The following ADAMTS16 variants were observed in gnomAD, a reference collection of about 807,000 sequenced individuals.
ADAMTS16 encodes ADAM metallopeptidase with thrombospondin type 1 motif 16.
Under a neutral mutation model 145.8 loss-of-function variants are expected in ADAMTS16, and 94 were observed. The ratio of observed to expected loss-of-function variants is 0.64; its 90% CI spans 0.55 to 0.77. The LOEUF (loss-of-function observed/expected upper bound fraction) is 0.77. Among genes scored for constraint, ADAMTS16 ranks in the 30% least tolerant of loss-of-function variants. The pLI, the probability that ADAMTS16 is intolerant of heterozygous loss-of-function variation, is 0.00. For synonymous variants in ADAMTS16, 659 were observed against 604.3 expected, an observed-to-expected ratio of 1.09 and a Z score of -1.33; for missense variants, 1,585 against 1,591.5, an observed-to-expected ratio of 1.00 and a Z score of 0.07.
At chr5:5,146,778 T>G (rs147881025) in intron 3 of ADAMTS16, among the ~76,000 whole-genome samples, 130 of 152,304 alleles carry the variant, frequency 8.5e-4, no homozygotes, top group African/African-American at 3.1e-3. Flanking sequence ...TTACTCTAAC[T>G]TACAGCTTCT....
At chr5:5,275,287 T>C (rs1686032615) in intron 18 of ADAMTS16, among the ~76,000 whole-genome samples, 1 of 152,198 alleles carries the variant, frequency 6.6e-6, no homozygotes, top group African/African-American at 2.4e-5. Context: ...ATTTAAAGTG[T>C]TCTTATATTG....
At position 5,239,228 on chromosome 5, in the gene ADAMTS16, C is replaced by T. The variant is rs760367362; in HGVS notation, c.2232C>T (p.Ala744=). ...GGGTGTGTAACGGGAATAACTCAGCCTGCACGATTCACAGGGGTCTCTACA... is the reference window on the plus strand; with the variant it reads ...GGGTGTGTAACGGGAATAACTCAGCTTGCACGATTCACAGGGGTCTCTACA... ...VCGVCNGNNS[A]CTIHRGLYTK... The change falls in exon 15 of 23, where the codon GCC becomes GCT. Residue 744 remains alanine, a synonymous_variant. Transcript: ENST00000274181. The T allele has an allele frequency of 6.2e-7, 1 of 1,602,462 alleles. No individual in the cohort carries two copies.
intron 3 of ADAMTS16, among the ~76,000 whole-genome samples, chr5:5,179,944 C>G (rs1239159311): frequency 6.6e-6 from 1 of 152,156 alleles, no homozygotes; most frequent in African/African-American, 2.4e-5. Flanking sequence ...TTTATGTCTC[C>G]CACCCCAAAT....
intron 3 of ADAMTS16, among the ~76,000 whole-genome samples, chr5:5,154,964 G>T (rs1236933783): frequency 6.6e-6 from 1 of 152,182 alleles, no homozygotes; most frequent in East Asian, 1.9e-4. Context: ...ATGACAGGAT[G>T]TCTGAAATCT....
chr5:5,250,582 C>T (rs576194355), intron 17 of ADAMTS16, among the ~76,000 whole-genome samples: 237 of 152,292 alleles, frequency 1.6e-3, no homozygotes, highest in Non-Finnish European at 2.9e-3. Flanking sequence ...GGGGCCCAGG[C>T]CCAGGAGCAG....
chr5:5,182,910 C>T (rs1735381049), intron 4 of ADAMTS16, among the ~76,000 whole-genome samples: 1 of 152,200 alleles, frequency 6.6e-6, no homozygotes, highest in Non-Finnish European at 1.5e-5. Flanking sequence ...GCTCTCTCCT[C>T]AAACATCACT....
At chr5:5,292,164 G>A (rs1399591879) in intron 18 of ADAMTS16, among the ~76,000 whole-genome samples, 2 of 152,184 alleles carry the variant, frequency 1.3e-5, no homozygotes, top group Admixed American at 6.5e-5. Context: ...GCTTCCTCTA[G>A]TGTCTTATTC....
intron 2 of ADAMTS16, among the ~76,000 whole-genome samples, chr5:5,142,784 C>G (rs772278923): frequency 3.3e-5 from 5 of 152,126 alleles, no homozygotes; most frequent in Non-Finnish European, 7.3e-5. Flanking sequence ...GTGTCACACA[C>G]TACCTACCTG....
intron 18 of ADAMTS16, among the ~76,000 whole-genome samples, chr5:5,296,006 G>A (rs1340285203): frequency 6.6e-6 from 1 of 152,226 alleles, no homozygotes; most frequent in Non-Finnish European, 1.5e-5. Flanking sequence ...CAGTTCTTAA[G>A]CTGAGTTGTT....
At chr5:5,173,102 T>C (rs1735090772) in intron 3 of ADAMTS16, among the ~76,000 whole-genome samples, 4 of 152,036 alleles carry the variant, frequency 2.6e-5, no homozygotes, top group Admixed American at 2.6e-4. Flanking sequence ...TTTAGTCTAT[T>C]TTTATTCCTT....
At chr5:5,167,162 C>T (rs1487384995) in intron 3 of ADAMTS16, among the ~76,000 whole-genome samples, 1 of 152,172 alleles carries the variant, frequency 6.6e-6, no homozygotes, top group African/African-American at 2.4e-5. Flanking sequence ...TCAGTTCCCC[C>T]ACCCACATTG....
chr5:5,309,827 C>CGTGTGT (rs35723690), intron 21 of ADAMTS16, among the ~76,000 whole-genome samples: 2,771 of 146,920 alleles, frequency 0.019, 53 homozygotes, highest in African/African-American at 0.046. Context: ...GTCATGTCCT[C>CGTGTGT]GTGTGTGTGT....
intron 17 of ADAMTS16, among the ~76,000 whole-genome samples, chr5:5,248,898 C>T (rs1463186432): frequency 3.3e-5 from 5 of 152,158 alleles, no homozygotes; most frequent in African/African-American, 1.2e-4. Flanking sequence ...GTTTATATGG[C>T]TTGGTATATT....
intron 12 of ADAMTS16, 75 bp downstream of exon 12, chr5:5,232,591 G>C: frequency 7.5e-7 from 1 of 1,340,890 alleles, no homozygotes; most frequent in Non-Finnish European, 1.0e-6. Flanking sequence ...GTATGCCTGT[G>C]TCTCAGCTCT....
At chr5:5,168,748 AT>A (rs1371531855) in intron 3 of ADAMTS16, among the ~76,000 whole-genome samples, 1 of 139,428 alleles carries the variant, frequency 7.2e-6, no homozygotes, top group Non-Finnish European at 1.5e-5. Flanking sequence ...ATAAAATATA[AT>A]TATATAATTA....
intron 10 of ADAMTS16, among the ~76,000 whole-genome samples, chr5:5,221,896 C>T (rs1736613650): frequency 6.6e-6 from 1 of 152,168 alleles, no homozygotes; most frequent in South Asian, 2.1e-4. Flanking sequence ...ATGAATCACC[C>T]AGTAGATGCA....
intron 18 of ADAMTS16, among the ~76,000 whole-genome samples, chr5:5,265,561 C>G (rs1579356690): frequency 6.6e-6 from 1 of 152,142 alleles, no homozygotes; most frequent in Admixed American, 6.5e-5. Flanking sequence ...CTCAGACAGG[C>G]ACTTTAAGAG....
At chr5:5,199,654 C>T (rs1381566044) in intron 8 of ADAMTS16, among the ~76,000 whole-genome samples, 1 of 152,178 alleles carries the variant, frequency 6.6e-6, no homozygotes, top group African/African-American at 2.4e-5. Context: ...TTGCAGTAAG[C>T]ATCAAACTCG....
intron 18 of ADAMTS16, among the ~76,000 whole-genome samples, chr5:5,274,243 C>G (rs59146545): frequency 0.013 from 1,913 of 152,270 alleles, 36 homozygotes; most frequent in African/African-American, 0.043. Context: ...CATGGGCGCT[C>G]ACTCTTAGTG....
Sources: gnomAD v4.1 joint callset for allele counts (sites outside exome capture counted in the v4.1 genomes callset) on GRCh38, gnomAD v4.1.1 for gene constraint, MANE v1.5 for transcripts, NCBI Gene and HGNC (gene_info 2026-07-23, HGNC 2026-07-21) for gene names.